Variants in CSMD1 observed in about 807,000 individuals in gnomAD.
CSMD1 encodes CUB and Sushi multiple domains 1, also known as CUB and sushi domain-containing protein 1.
In CSMD1, 213 loss-of-function variants were observed where a neutral mutation model predicts 417.5. The ratio of observed to expected loss-of-function variants is 0.51; its 90% CI spans 0.46 to 0.57. CSMD1 has a LOEUF of 0.57. Among genes scored for constraint, CSMD1 ranks in the 20% least tolerant of loss-of-function variants. The pLI, the probability that CSMD1 is intolerant of heterozygous loss-of-function variation, is 0.00. For synonymous variants in CSMD1, 2,862 were observed against 1,736.8 expected, an observed-to-expected ratio of 1.65 and a Z score of -16.11; for missense variants, 6,923 against 4,529.7, an observed-to-expected ratio of 1.53 and a Z score of -15.17.
chr8:3,669,034 G>A (rs530393663), intron 7 of CSMD1, among the ~76,000 whole-genome samples: 15 of 152,200 alleles, frequency 9.9e-5, no homozygotes, highest in African/African-American at 3.6e-4. Flanking sequence ...TACCTTTAGA[G>A]TTTACCTTAA....
chr8:4,923,945 G>A (rs1269752641), intron 1 of CSMD1, among the ~76,000 whole-genome samples: 5 of 152,166 alleles, frequency 3.3e-5, no homozygotes, highest in Admixed American at 2.0e-4. Context: ...AGCTTAGCAA[G>A]CTATTCTCAA....
chr8:4,369,995 T>TA (rs565244908), intron 3 of CSMD1, among the ~76,000 whole-genome samples: 8 of 152,208 alleles, frequency 5.3e-5, no homozygotes, highest in Non-Finnish European at 1.2e-4. Context: ...CATCTTGCTG[T>TA]AAGCTGGTTC....
At position 4,951,917 on chromosome 8, in the gene CSMD1, G is replaced by GA. The variant is rs1307545145; in HGVS notation, c.85+42414dup. On this transcript the variant is annotated intron_variant, in intron 1 of 69. Coordinates refer to ENST00000635120, the MANE Select transcript of CSMD1 (RefSeq NM_033225.6). Reference sequence around the variant, plus strand: ...TAATGACATTTTATTTATATATTTAGAAAAAAAAATTATTTTTTCCCCTAG... The same window carrying GA: ...TAATGACATTTTATTTATATATTTAGAAAAAAAAAATTATTTTTTCCCCTAG... 4.0e-5 allele frequency among the ~76,000 whole-genome samples: 6 copies of GA among 150,432 alleles called. No individual in the cohort carries two copies. The South Asian group carries it at 6.3e-4, about 16-fold the overall frequency.
At chr8:3,762,725 G>A (rs1254187920) in intron 5 of CSMD1, among the ~76,000 whole-genome samples, 1 of 152,152 alleles carries the variant, frequency 6.6e-6, no homozygotes, top group Non-Finnish European at 1.5e-5. Flanking sequence ...AGATGGTCGG[G>A]GGGAGCCAGG....
intron 7 of CSMD1, among the ~76,000 whole-genome samples, chr8:3,653,141 A>G (rs1797943489): frequency 6.6e-6 from 1 of 151,970 alleles, no homozygotes; most frequent in Admixed American, 6.6e-5. Context: ...CTATAAATTC[A>G]AATTTTTTCA....
intron 2 of CSMD1, among the ~76,000 whole-genome samples, chr8:4,561,349 G>T (rs911108529): frequency 6.6e-6 from 1 of 152,166 alleles, no homozygotes; most frequent in Non-Finnish European, 1.5e-5. Flanking sequence ...ACTCCAGCCC[G>T]GTGACAGAAT....
chr8:3,921,742 A>G (rs559124732), intron 5 of CSMD1, among the ~76,000 whole-genome samples: 3 of 152,302 alleles, frequency 2.0e-5, no homozygotes, highest in Non-Finnish European at 2.9e-5. Flanking sequence ...AAGAGTCAGG[A>G]AAGTTACCAA....
intron 28 of CSMD1, among the ~76,000 whole-genome samples, 182 bp downstream of exon 28, chr8:3,223,547 C>G (rs1263655898): frequency 6.6e-6 from 1 of 151,994 alleles, no homozygotes; most frequent in Non-Finnish European, 1.5e-5. Flanking sequence ...AGTAGAATGC[C>G]CCAAAGCAAA....
intron 2 of CSMD1, among the ~76,000 whole-genome samples, chr8:4,441,129 G>A (rs1223198266): frequency 5.0e-5 from 1 of 20,174 alleles, no homozygotes; most frequent in African/African-American, 1.2e-4. Context: ...AAGAGATAGG[G>A]TCTCTGTCAC....
chr8:3,682,441 A>G (rs1799714033), intron 7 of CSMD1, among the ~76,000 whole-genome samples: 1 of 152,212 alleles, frequency 6.6e-6, no homozygotes, highest in African/African-American at 2.4e-5. Flanking sequence ...ACATGAAAAA[A>G]TGCTCATCAT....
At chr8:4,408,322 A>G (rs960145410) in intron 3 of CSMD1, among the ~76,000 whole-genome samples, 7 of 152,204 alleles carry the variant, frequency 4.6e-5, no homozygotes, top group African/African-American at 1.2e-4. Context: ...CAAGTAAGCT[A>G]CTTAAAACAA....
At chr8:4,368,156 A>C (rs1216998079) in intron 3 of CSMD1, among the ~76,000 whole-genome samples, 1 of 151,990 alleles carries the variant, frequency 6.6e-6, no homozygotes, top group Non-Finnish European at 1.5e-5. Flanking sequence ...CATTTTTTTG[A>C]GATATATTCC....
At chr8:3,726,761 A>G (rs546358914) in intron 6 of CSMD1, among the ~76,000 whole-genome samples, 1 of 152,248 alleles carries the variant, frequency 6.6e-6, no homozygotes, top group South Asian at 2.1e-4. Flanking sequence ...CTCATTCCTG[A>G]GCCTTATTCT....
chr8:4,756,076 C>T (rs1474276483), intron 1 of CSMD1, among the ~76,000 whole-genome samples: 6 of 152,124 alleles, frequency 3.9e-5, no homozygotes, highest in Non-Finnish European at 5.9e-5. Context: ...AAACAAAGAC[C>T]TTTATTCTAT....
intron 1 of CSMD1, among the ~76,000 whole-genome samples, chr8:4,797,090 G>T (rs189873879): frequency 3.4e-4 from 52 of 152,266 alleles, no homozygotes; most frequent in Middle Eastern, 6.8e-3. Flanking sequence ...AATGCAGTGA[G>T]AATCGAATCA....
At chr8:4,648,967 C>G (rs1466659701) in intron 1 of CSMD1, among the ~76,000 whole-genome samples, 1 of 152,228 alleles carries the variant, frequency 6.6e-6, no homozygotes, top group Non-Finnish European at 1.5e-5. Flanking sequence ...CACCTAGTAT[C>G]CTAGGGCCCT....
chr8:4,365,227 T>G (rs540318994), intron 3 of CSMD1, among the ~76,000 whole-genome samples: 1 of 152,302 alleles, frequency 6.6e-6, no homozygotes, highest in Non-Finnish European at 1.5e-5. Context: ...AAGAGTTTTG[T>G]TAATGCTTAA....
intron 5 of CSMD1, among the ~76,000 whole-genome samples, chr8:3,758,029 T>A (rs939511832): frequency 7.9e-5 from 12 of 151,702 alleles, no homozygotes; most frequent in African/African-American, 2.9e-4. Flanking sequence ...ACTGGCACAA[T>A]CTCAGCTCGC....
At chr8:4,762,362 T>A (rs1347953671) in intron 1 of CSMD1, among the ~76,000 whole-genome samples, 1 of 152,176 alleles carries the variant, frequency 6.6e-6, no homozygotes, top group East Asian at 1.9e-4. Context: ...CTTTGTTTAC[T>A]GCTATACATT....
Sources: allele counts gnomAD v4.1 joint callset (sites outside exome capture counted in the v4.1 genomes callset), GRCh38; gene constraint gnomAD v4.1.1; transcripts MANE v1.5; gene names NCBI Gene and HGNC (gene_info 2026-07-23, HGNC 2026-07-21).